DSCAM: variants seen among roughly 807,000 people sequenced by gnomAD.
DSCAM encodes the protein cell adhesion molecule DSCAM.
Under a neutral mutation model 217.7 loss-of-function variants are expected in DSCAM, and 47 were observed. That is an observed-to-expected ratio of 0.22 (90% CI 0.17 to 0.28). The LOEUF is 0.28. Ranked by LOEUF, DSCAM falls within the 10% of genes least tolerant of loss-of-function variation. The probability of loss-of-function intolerance (pLI) is 1.00; values close to 1 mark genes in which losing one functional copy is unlikely to be tolerated. For missense variants in DSCAM, 2,080 were observed against 2,618.3 expected (o/e 0.79, Z 4.49); for synonymous variants, 1,056 against 1,015.3 (o/e 1.04, Z -0.76).
intron 3 of DSCAM, among the ~76,000 whole-genome samples, chr21:40,465,283 C>T (rs970171081): frequency 2.6e-5 from 4 of 152,140 alleles, no homozygotes; most frequent in Non-Finnish European, 5.9e-5. Flanking sequence ...GCCTCCTTTG[C>T]ACCTGCTTTT....
intron 1 of DSCAM, among the ~76,000 whole-genome samples, chr21:40,755,548 T>C (rs1001431378): frequency 1.3e-5 from 2 of 152,114 alleles, no homozygotes; most frequent in African/African-American, 4.8e-5. Flanking sequence ...GTTTAGATGA[T>C]AGAAACTCTG....
chr21:40,182,513 G>A (rs111831490), intron 14 of DSCAM, among the ~76,000 whole-genome samples: 2,119 of 151,182 alleles, frequency 0.014, 49 homozygotes, highest in African/African-American at 0.049. Context: ...CGGAGGCACC[G>A]GAGAAACTGT....
intron 16 of DSCAM, among the ~76,000 whole-genome samples, chr21:40,147,192 G>A (rs1404481394): frequency 3.3e-5 from 5 of 152,226 alleles, no homozygotes; most frequent in African/African-American, 1.2e-4. Flanking sequence ...GTCAGGTCAA[G>A]AAGAGTAGAC....
chr21:40,111,803 T>C (rs1419324559), intron 20 of DSCAM, among the ~76,000 whole-genome samples: 1 of 151,542 alleles, frequency 6.6e-6, no homozygotes, highest in Non-Finnish European at 1.5e-5. Context: ...CCAACAAAGA[T>C]CAAAAGAGAC....
At chr21:40,065,884 T>C (rs1339679292) in intron 27 of DSCAM, among the ~76,000 whole-genome samples, 1 of 152,194 alleles carries the variant, frequency 6.6e-6, no homozygotes, top group Non-Finnish European at 1.5e-5. Flanking sequence ...ACAGCCCTCA[T>C]TAGCACAGAG....
chr21:40,466,357 A>T (rs908912670), intron 3 of DSCAM, among the ~76,000 whole-genome samples: 10 of 152,084 alleles, frequency 6.6e-5, no homozygotes, highest in African/African-American at 2.4e-4. Context: ...TTCCTACCTG[A>T]TGGTTGATTG....
rs747003675 is a variant in DSCAM, at chr21:40,013,253, G to C, written c.5820C>G (p.Pro1940=). The change falls in exon 33 of 33, where the codon CCC becomes CCG. Residue 1940 remains proline (P), a synonymous_variant. Coordinates refer to ENST00000400454, the MANE Select transcript of DSCAM (RefSeq NM_001389.5). ...CCATCGGGATGGGCTCCAGGACCGT[G>C]GGGCGCTTCAGGGTCCGGCTTTTCT... ...EPQKSRTLKR[P]TVLEPIPMEA... 5 of 1,613,916 alleles carry C rather than the reference G, an allele frequency of 3.1e-6. No homozygotes were observed. The highest frequency in any genetic ancestry group is 4.2e-6 in the Non-Finnish European group (5 of 1,179,942).
intron 4 of DSCAM, among the ~76,000 whole-genome samples, chr21:40,365,561 A>G (rs1156353330): frequency 2.0e-5 from 3 of 152,130 alleles, no homozygotes; most frequent in African/African-American, 7.2e-5. Context: ...TTATATATAC[A>G]TCTATCCTAT....
intron 11 of DSCAM, among the ~76,000 whole-genome samples, chr21:40,215,670 G>A (rs1169611659): frequency 2.6e-5 from 4 of 151,980 alleles, no homozygotes; most frequent in African/African-American, 9.7e-5. Context: ...AGGGAGGTGA[G>A]GAATGAAAAA....
At chr21:40,500,295 A>G (rs1481521925) in intron 3 of DSCAM, among the ~76,000 whole-genome samples, 2 of 152,152 alleles carry the variant, frequency 1.3e-5, no homozygotes, top group Non-Finnish European at 2.9e-5. Flanking sequence ...TACAGGATTT[A>G]TGTCTTGTTT....
intron 16 of DSCAM, among the ~76,000 whole-genome samples, chr21:40,146,693 T>A (rs537831108): frequency 6.6e-6 from 1 of 152,284 alleles, no homozygotes; most frequent in South Asian, 2.1e-4. Flanking sequence ...AGTGAAACAG[T>A]CGCGTAAACC....
chr21:40,126,662 G>A (rs1302593412), intron 19 of DSCAM, among the ~76,000 whole-genome samples: 1 of 152,124 alleles, frequency 6.6e-6, no homozygotes, highest in Non-Finnish European at 1.5e-5. Flanking sequence ...AACATTTCAG[G>A]TACTTCCTGG....
intron 3 of DSCAM, among the ~76,000 whole-genome samples, chr21:40,494,479 T>G (rs2076101468): frequency 6.6e-6 from 1 of 152,120 alleles, no homozygotes; most frequent in Admixed American, 6.5e-5. Flanking sequence ...ATTAAACATG[T>G]TCCTGAATGA....
chr21:40,482,256 C>T (rs942388167), intron 3 of DSCAM, among the ~76,000 whole-genome samples: 19 of 152,270 alleles, frequency 1.2e-4, no homozygotes, highest in Middle Eastern at 3.4e-3. Context: ...CAGTTCTAAA[C>T]GTAGCTATTG....
At chr21:40,838,022 A>C (rs1400879532) in intron 1 of DSCAM, among the ~76,000 whole-genome samples, 1 of 152,254 alleles carries the variant, frequency 6.6e-6, no homozygotes, top group African/African-American at 2.4e-5. Context: ...CTAACTGTGA[A>C]AAGAATTGAA....
intron 4 of DSCAM, among the ~76,000 whole-genome samples, chr21:40,364,748 A>G (rs1423110558): frequency 7.0e-6 from 1 of 143,736 alleles, no homozygotes; most frequent in Non-Finnish European, 1.5e-5. Context: ...ATATACACAC[A>G]CTAGTATATA....
intron 11 of DSCAM, among the ~76,000 whole-genome samples, chr21:40,216,736 C>T (rs938013064): frequency 1.3e-5 from 2 of 152,308 alleles, no homozygotes; most frequent in Middle Eastern, 3.4e-3. Flanking sequence ...TAACACCCAG[C>T]AGTAAGGCCA....
intron 4 of DSCAM, among the ~76,000 whole-genome samples, chr21:40,362,263 G>A (rs917426518): frequency 6.6e-6 from 1 of 151,950 alleles, no homozygotes; most frequent in Non-Finnish European, 1.5e-5. Context: ...AGCAGCATAT[G>A]TACCCTAAAA....
chr21:40,425,814 T>TAC (rs1036247847), intron 3 of DSCAM, among the ~76,000 whole-genome samples: 1 of 152,152 alleles, frequency 6.6e-6, no homozygotes, highest in African/African-American at 2.4e-5. Context: ...AGCATGTATA[T>TAC]ACACACACAC....
Sources: gnomAD v4.1 joint callset for allele counts (sites outside exome capture counted in the v4.1 genomes callset) on GRCh38, gnomAD v4.1.1 for gene constraint, MANE v1.5 for transcripts, NCBI Gene and HGNC (gene_info 2026-07-23, HGNC 2026-07-21) for gene names.